The following C2orf72 variants were observed in gnomAD, a reference collection of about 807,000 sequenced individuals.
The protein encoded by C2orf72 is uncharacterized protein C2orf72.
A neutral mutation model predicts 14.4 loss-of-function variants in C2orf72; 16 were observed. The ratio of observed to expected loss-of-function variants is 1.11; its 90% CI spans 0.75 to 1.69. The LOEUF (loss-of-function observed/expected upper bound fraction) is 1.69, where lower values mean the gene tolerates loss of function less well. C2orf72 is among the 40% of genes most tolerant of loss of function. The pLI is 0.00. For synonymous variants in C2orf72, 168 were observed against 176.8 expected, an observed-to-expected ratio of 0.95 and a Z score of 0.40; for missense variants, 371 against 358.3, an observed-to-expected ratio of 1.04 and a Z score of -0.29.
In C2orf72 at chr2:231,041,393, C is replaced by T; in HGVS notation, c.732C>T (p.Cys244=). The T allele has an allele frequency of 1.3e-6, 2 of 1,551,244 alleles. No homozygotes were observed. Among genetic ancestry groups the T allele is most frequent in the Non-Finnish European group, 1.7e-6 (2 of 1,146,794 alleles). The part of the protein sequence containing the change: ...SRRKNQDVAA[C]RSSAQEDFQE... Reference sequence around the variant, plus strand: ...GGAAGAACCAGGATGTTGCTGCCTGCAGAAGCTCAGCTCAGGGTGAGTGCT... The same window carrying T: ...GGAAGAACCAGGATGTTGCTGCCTGTAGAAGCTCAGCTCAGGGTGAGTGCT... The change falls in exon 2 of 3, where the codon TGC becomes TGT. Residue 244 remains cysteine (C), a synonymous_variant. Coordinates refer to ENST00000373640, the MANE Select transcript of C2orf72 (RefSeq NM_001144994.2).
intron 1 of C2orf72, among the ~76,000 whole-genome samples, chr2:231,040,869 A>G (rs1693331768): frequency 6.6e-6 from 1 of 152,130 alleles, no homozygotes; most frequent in Non-Finnish European, 1.5e-5. Context: ...ATAAATAAAT[A>G]AATAAAATAA....
intron 2 of C2orf72, among the ~76,000 whole-genome samples, chr2:231,042,011 G>A (rs1434345289): frequency 6.6e-6 from 1 of 152,076 alleles, no homozygotes; most frequent in Non-Finnish European, 1.5e-5. Context: ...AGAGATTGGG[G>A]TGTGTTTAGA....
At chr2:231,041,630 T>C (rs548516700) in intron 2 of C2orf72, among the ~76,000 whole-genome samples, 1 of 152,034 alleles carries the variant, frequency 6.6e-6, no homozygotes, top group South Asian at 2.1e-4. Context: ...CTCCACCTAA[T>C]GAAGGCAGTA....
In C2orf72 at chr2:231,038,114, C is replaced by T; in HGVS notation, c.549C>T (p.Ala183=). Residue 183 remains alanine (A), a synonymous_variant, in exon 1 of 3, where the codon GCC becomes GCT. Coordinates refer to ENST00000373640, the MANE Select transcript of C2orf72 (RefSeq NM_001144994.2). ...RQAGGPVQAA[A]YCPGLPASCL... is the part of the protein sequence containing the mutation. The stretch of plus-strand genomic sequence containing the variant: ...CGGGGGGGCCCGTGCAGGCGGCCGC[C>T]TACTGCCCCGGCCTCCCGGCCTCCT... 8.6e-7 allele frequency: 1 copy of T among 1,169,326 alleles called. No individual in the cohort carries two copies. The highest frequency in any genetic ancestry group is 1.1e-6 in the Non-Finnish European group (1 of 947,816). 72.4% of individuals were successfully genotyped at this position (1,169,326 alleles called of 1,614,324 possible).
In C2orf72 at chr2:231,041,342, C is replaced by A; in HGVS notation, c.681C>A (p.Cys227Ter). ...ERPGLPGLLA[C>*]FSWGPWSRRK... ...CAGGCCTCCCCGGACTGCTAGCCTGCTTTTCCTGGGGTCCCTGGAGCCGGA... is the reference window on the plus strand; with the variant it reads ...CAGGCCTCCCCGGACTGCTAGCCTGATTTTCCTGGGGTCCCTGGAGCCGGA... Residue 227 changes from cysteine (C) to a stop codon, truncating the protein, a stop_gained, in exon 2 of 3, where the codon TGC becomes TGA. Transcript: ENST00000373640. LOFTEE classifies it high-confidence loss of function. 1 of 1,551,454 alleles carries A rather than the reference C, an allele frequency of 6.4e-7. No homozygotes were observed. The highest frequency in any genetic ancestry group is 8.7e-7 in the Non-Finnish European group (1 of 1,146,844).
Position 231,047,195 on chromosome 2 carries a change from C to G in C2orf72, c.*174C>G. 1.3e-6 allele frequency: 1 copy of G among 797,022 alleles called. No individual in the cohort carries two copies. The highest frequency in any genetic ancestry group is 1.5e-5 in the South Asian group (1 of 68,626). The allele number at this position is 797,022 out of a possible 1,614,324, so 49.4% of individuals were successfully genotyped here. A position where few individuals can be genotyped will look rare whatever the true frequency, so the allele number is the denominator to read the frequency against. ...TTACTAAGACAAGCAGGACCTAAAACAGTGTCTCCCCTGGGAACCTACTCC... is the reference window on the plus strand; with the variant it reads ...TTACTAAGACAAGCAGGACCTAAAAGAGTGTCTCCCCTGGGAACCTACTCC... On this transcript the variant is annotated 3_prime_UTR_variant, in exon 3 of 3. Transcript: ENST00000373640.
At position 231,047,672 on chromosome 2, in the gene C2orf72, G is replaced by T. The variant is rs956499960; in HGVS notation, c.*651G>T. The T allele has an allele frequency of 6.0e-6, 1 of 167,092 alleles. No homozygotes were observed. The highest frequency in any genetic ancestry group is 1.3e-5 in the Non-Finnish European group (1 of 76,308). 10.4% of individuals were successfully genotyped at this position (167,092 alleles called of 1,614,324 possible). A position where few individuals can be genotyped will look rare whatever the true frequency, so the allele number is the denominator to read the frequency against. ...AGAATTGGTCCATTCAATGCCAATTGTAGTACCTTTGAGACATTCTGGCTG... is the reference window on the plus strand; with the variant it reads ...AGAATTGGTCCATTCAATGCCAATTTTAGTACCTTTGAGACATTCTGGCTG... On this transcript the variant is annotated 3_prime_UTR_variant, in exon 3 of 3. Transcript: ENST00000373640.
At chr2:231,040,780 G>A (rs1029421530) in intron 1 of C2orf72, among the ~76,000 whole-genome samples, 5 of 152,176 alleles carry the variant, frequency 3.3e-5, no homozygotes, top group African/African-American at 9.7e-5. Flanking sequence ...CTTTGGGTGC[G>A]GGTTAAGAGT....
chr2:231,044,666 ATTT>A (rs934535205), intron 2 of C2orf72, among the ~76,000 whole-genome samples: 3 of 115,090 alleles, frequency 2.6e-5, no homozygotes, highest in Non-Finnish European at 5.1e-5. Flanking sequence ...TCCTATTTTA[ATTT>A]TTTTTTTTTT....
Position 231,038,185 on chromosome 2 carries a change from G to T in C2orf72, c.620G>T (p.Gly207Val). The change falls in exon 1 of 3, where the codon GGA becomes GTA. Residue 207 changes from glycine (G) to valine (V), a missense_variant. Physicochemically the swap from Gly to Val is moderately radical, Grantham distance 109 (BLOSUM62 -3). Coordinates refer to ENST00000373640, the MANE Select transcript of C2orf72 (RefSeq NM_001144994.2). The part of the protein sequence containing the change: ...AAACRALQAA[G>V]AGQPVEGAWE... ...GCCTGCAGGGCCCTGCAAGCCGCCG[G>T]AGCCGGGCAACCAGGTGAGACTGCG... is the stretch of plus-strand genomic sequence containing the variant. 8.4e-7 allele frequency: 1 copy of T among 1,189,202 alleles called. No homozygotes were observed. The highest frequency in any genetic ancestry group is 1.0e-6 in the Non-Finnish European group (1 of 960,398). 73.7% of individuals were successfully genotyped at this position (1,189,202 alleles called of 1,614,324 possible).
Position 231,037,582 on chromosome 2 carries a change from A to G in C2orf72, c.17A>G (p.Glu6Gly), listed in dbSNP as rs1693268609. The G allele has an allele frequency of 3.8e-6, 4 of 1,054,144 alleles. No homozygotes were observed. The South Asian group carries it at 1.2e-4, about 33-fold the overall frequency. 65.3% of individuals were successfully genotyped at this position (1,054,144 alleles called of 1,614,324 possible). A position where few individuals can be genotyped will look rare whatever the true frequency, so the allele number is the denominator to read the frequency against. Residue 6 changes from glutamate (E) to glycine (G), a missense_variant, in exon 1 of 3, where the codon GAG (glutamate) becomes GGG (glycine). Glu to Gly is a moderately conservative substitution (Grantham distance 98, BLOSUM62 -2). This residue lies in a region of C2orf72 where 214 missense variants were observed against 178.7 expected (regional missense o/e 1.20). Coordinates refer to ENST00000373640, the MANE Select transcript of C2orf72 (RefSeq NM_001144994.2). MEREL[E>G]ALAARLARPA... ...GCGGCCAGCATGGAGCGCGAGCTGG[A>G]GGCGCTGGCGGCCCGGCTTGCGCGC...
intron 2 of C2orf72, among the ~76,000 whole-genome samples, chr2:231,044,854 T>C (rs1188220937): frequency 2.0e-5 from 3 of 150,038 alleles, no homozygotes; most frequent in East Asian, 3.9e-4. Context: ...TGCCTTCTTC[T>C]GGATACCTCT....
At chr2:231,043,121 C>A (rs1465480109) in intron 2 of C2orf72, among the ~76,000 whole-genome samples, 1 of 152,258 alleles carries the variant, frequency 6.6e-6, no homozygotes, top group Non-Finnish European at 1.5e-5. Flanking sequence ...AGGCCCCTGC[C>A]ATTCCTTGCT....
At chr2:231,038,827 A>G (rs1463381604) in intron 1 of C2orf72, among the ~76,000 whole-genome samples, 3 of 152,056 alleles carry the variant, frequency 2.0e-5, no homozygotes, top group Admixed American at 2.0e-4. Context: ...GCCACCCACC[A>G]AGGCTGTGCA....
intron 2 of C2orf72, among the ~76,000 whole-genome samples, chr2:231,044,607 A>C (rs547811345): frequency 6.6e-6 from 1 of 151,984 alleles, no homozygotes; most frequent in African/African-American, 2.4e-5. Context: ...ATATTGTAGA[A>C]ATGTACAAAA....
intron 2 of C2orf72, 24 bp downstream of exon 2, chr2:231,041,433 A>G: frequency 1.3e-6 from 2 of 1,506,204 alleles, no homozygotes; most frequent in Non-Finnish European, 1.8e-6. Context: ...GACCTCCTGC[A>G]TCCTGAGGGC....
At chr2:231,045,811 C>T (rs546181429) in intron 2 of C2orf72, among the ~76,000 whole-genome samples, 1 of 152,156 alleles carries the variant, frequency 6.6e-6, no homozygotes, top group Non-Finnish European at 1.5e-5. Flanking sequence ...AGCCACGGCG[C>T]CCGGCCAGCT....
rs1693377828 is a variant in C2orf72 at position 231,044,063 on chromosome 2, A to T, written c.748+2654A>T. ...ATGGTAAGTAGCTGTGTGTCTCAAC[A>T]TACCTAAACATAGTAAAGGTGCAGT... On this transcript the variant is annotated intron_variant, in intron 2 of 2. Transcript: ENST00000373640. Among the ~76,000 whole-genome samples the T allele has an allele frequency of 2.6e-5, 4 of 152,214 alleles. No individual in the cohort carries two copies. In the South Asian group the frequency reaches 8.3e-4, roughly 32 times the overall value.
chr2:231,044,924 CGTGT>C (rs1345753683), intron 2 of C2orf72, among the ~76,000 whole-genome samples: 1 of 128,922 alleles, frequency 7.8e-6, no homozygotes, highest in African/African-American at 3.2e-5. Context: ...ACTTTATATA[CGTGT>C]GTGTGTATAT....
Sources: gnomAD v4.1 joint callset for allele counts (sites outside exome capture counted in the v4.1 genomes callset) on GRCh38, gnomAD v4.1.1 for gene constraint, gnomAD v4.1.1 regional missense constraint, MANE v1.5 for transcripts, NCBI Gene and HGNC (gene_info 2026-07-23, HGNC 2026-07-21) for gene names.